The following COMMD9 variants were observed in gnomAD, a reference collection of about 807,000 sequenced individuals.
The protein encoded by COMMD9 is COMM domain-containing protein 9.
In COMMD9, 22 loss-of-function variants were observed where a neutral mutation model predicts 23.4. That is an observed-to-expected ratio of 0.94 (90% CI 0.67 to 1.34). The LOEUF is 1.34. COMMD9 is among the 40% of genes most tolerant of loss of function. COMMD9 has a pLI of 0.00. For synonymous variants in COMMD9, 99 were observed against 97.4 expected, an observed-to-expected ratio of 1.02 and a Z score of -0.10; for missense variants, 231 against 240.2, an observed-to-expected ratio of 0.96 and a Z score of 0.25.
chr11:36,280,769 T>G lies in COMMD9; in HGVS notation c.120A>C (p.Lys40Asn), dbSNP rs1399855310. The G allele has an allele frequency of 1.2e-6, 2 of 1,611,164 alleles. No individual in the cohort carries two copies. The highest frequency in any genetic ancestry group is 2.7e-5 in the African/African-American group (2 of 74,858). Residue 40 changes from lysine (K) to asparagine (N), a missense_variant, in exon 2 of 6, where the codon AAA becomes AAC. Coordinates refer to ENST00000263401, the MANE Select transcript of COMMD9 (RefSeq NM_014186.4). ...ESFSSSALGL[K>N]KLLDVTCSSL... is the part of the protein sequence containing the mutation. The stretch of plus-strand genomic sequence containing the variant: ...TGGAACATGTAACATCCAAGAGTTT[T>G]TTCAAGCCAAGGGCTGAACTGGAAA...
intron 1 of COMMD9, among the ~76,000 whole-genome samples, chr11:36,287,031 T>C (rs1856169933): frequency 6.6e-6 from 1 of 151,750 alleles, no homozygotes; most frequent in African/African-American, 2.4e-5. Flanking sequence ...CCATACATAA[T>C]AGTAAGTATG....
At chr11:36,275,369 T>C (rs903942652) in intron 5 of COMMD9, among the ~76,000 whole-genome samples, 1 of 151,470 alleles carries the variant, frequency 6.6e-6, no homozygotes, top group Admixed American at 6.6e-5. Context: ...AACTATAAAA[T>C]GAAGACAACA....
intron 1 of COMMD9, 43 bp from the exon 2 acceptor site, chr11:36,280,880 C>G (rs1459022929): frequency 6.6e-7 from 1 of 1,512,372 alleles, no homozygotes; most frequent in East Asian, 2.3e-5. Flanking sequence ...AACTCAGACT[C>G]TGAAAACACA....
In COMMD9 at chr11:36,278,024, T is replaced by C. The variant is rs7928618; in HGVS notation, c.317+453A>G. Among the ~76,000 whole-genome samples, 1,110 of 152,336 alleles carry C rather than the reference T, an allele frequency of 7.3e-3. 9 individuals carry two copies. The highest frequency in any genetic ancestry group is 0.025 in the African/African-American group (1,021 of 41,566). On this transcript the variant is annotated intron_variant, in intron 3 of 5. Coordinates refer to ENST00000263401, the MANE Select transcript of COMMD9 (RefSeq NM_014186.4). ...ACAGGAGCAAAGTTTTCATTGTAAA[T>C]TGTTCACTGAAATGAAAAAATGCCA...
chr11:36,280,793 A>G lies in COMMD9; in HGVS notation c.96T>C (p.Phe32=), dbSNP rs781561940. 11 of 1,609,994 alleles carry G rather than the reference A, an allele frequency of 6.8e-6. No individual in the cohort carries two copies. The South Asian group carries it at 9.9e-5, about 15-fold the overall frequency. Residue 32 remains phenylalanine, a synonymous_variant, in exon 2 of 6, where the codon TTT becomes TTC. Transcript: ENST00000263401. ...DVVRQLCQES[F]SSSALGLKKL... is the part of the protein sequence containing the mutation. ...TTTTCAAGCCAAGGGCTGAACTGGAAAAGCTTTCTTGACACAGCTGTCTGA... is the reference window on the plus strand; with the variant it reads ...TTTTCAAGCCAAGGGCTGAACTGGAGAAGCTTTCTTGACACAGCTGTCTGA...
chr11:36,276,092 TA>T lies in COMMD9; in HGVS notation c.456+44del, dbSNP rs1855965501. On this transcript the variant is annotated intron_variant, in intron 5 of 5. Transcript: ENST00000263401. ...TGGAGACTAGTGTTTTAGACGGCCATAGGGGTGCTGCCTCTTCTTTCTAATG... is the reference window on the plus strand; with the variant it reads ...TGGAGACTAGTGTTTTAGACGGCCATGGGGTGCTGCCTCTTCTTTCTAATG... 2.8e-6 allele frequency: 4 copies of T among 1,412,960 alleles called. No homozygotes were observed. The East Asian group carries it at 6.8e-5, about 24-fold the overall frequency. 87.5% of individuals were successfully genotyped at this position (1,412,960 alleles called of 1,614,324 possible).
intron 1 of COMMD9, among the ~76,000 whole-genome samples, chr11:36,284,113 A>G (rs1359056646): frequency 6.7e-6 from 1 of 148,644 alleles, no homozygotes; most frequent in African/African-American, 2.4e-5. Context: ...CTCAACAACA[A>G]CAACAACAAC....
chr11:36,288,127 A>G (rs1167914948), intron 1 of COMMD9, among the ~76,000 whole-genome samples: 2 of 152,198 alleles, frequency 1.3e-5, no homozygotes, highest in Non-Finnish European at 2.9e-5. Context: ...TAATTCATTT[A>G]ACAGCTATTT....
intron 3 of COMMD9, 58 bp from the exon 4 acceptor site, chr11:36,277,181 C>A: frequency 7.4e-7 from 1 of 1,352,392 alleles, no homozygotes; most frequent in South Asian, 1.4e-5. Context: ...ACTGACTCTT[C>A]TGATAGAGAG....
At chr11:36,287,189 A>G (rs12420045) in intron 1 of COMMD9, among the ~76,000 whole-genome samples, 24 of 48 alleles carry the variant, frequency 0.5, no homozygotes, top group Non-Finnish European at 0.5. Flanking sequence ...TATACTACAT[A>G]CTATGTATAT....
chr11:36,278,525 A>C lies in COMMD9; in HGVS notation c.269T>G (p.Phe90Cys). Residue 90 changes from phenylalanine to cysteine, a missense_variant, in exon 3 of 6, where the codon TTC becomes TGC. Physicochemically the swap from Phe to Cys is radical, Grantham distance 205. Transcript: ENST00000263401. ...EAILALFPENFHQNLKNLLTK... is the reference protein window; with the variant it reads ...EAILALFPENCHQNLKNLLTK... ...CAGCAGGTTTTTGAGGTTTTGGTGG[A>C]AATTTTCTGGAAAGAGAGCCAGAAT... 6.2e-7 allele frequency: 1 copy of C among 1,614,160 alleles called. No individual in the cohort carries two copies.
At chr11:36,278,712 G>A (rs757419926) in intron 2 of COMMD9, 96 bp from the exon 3 acceptor site, 12 of 1,207,588 alleles carry the variant, frequency 9.9e-6, no homozygotes, top group Non-Finnish European at 1.2e-5. Context: ...CCCGAAGGCT[G>A]CACACTGCTA....
chr11:36,272,632 T>C lies in COMMD9; in HGVS notation c.*2000A>G, dbSNP rs1182946454. On this transcript the variant is annotated 3_prime_UTR_variant, in exon 6 of 6. Transcript: ENST00000263401. ...GGGTCCTTGACCTCTTGTCGTTGCA[T>C]GCAAAAAATTGAATGTTCATTTCCT... 6.6e-6 allele frequency: 1 copy of C among 152,204 alleles called. No individual in the cohort carries two copies. The highest frequency in any genetic ancestry group is 2.4e-5 in the African/African-American group (1 of 41,456). 9.4% of individuals were successfully genotyped at this position (152,204 alleles called of 1,614,324 possible).
chr11:36,289,375 T>C lies in COMMD9; in HGVS notation c.38A>G (p.Gln13Arg), dbSNP rs1240867598. Residue 13 changes from glutamine (Q) to arginine (R), a missense_variant, in exon 1 of 6, where the codon CAG (glutamine) becomes CGG (arginine). By Grantham distance (43) the Gln-to-Arg change is conservative. Transcript: ENST00000263401. ...ALTAEHFAALQSLLKASSKDV... is the reference protein window; with the variant it reads ...ALTAEHFAALRSLLKASSKDV... ...CCTTCGACTTACCTTGAGCAGGCTC[T>C]GGAGTGCTGCAAAATGCTCCGCTGT... 6 of 1,551,998 alleles carry C rather than the reference T, an allele frequency of 3.9e-6. No homozygotes were observed. Among genetic ancestry groups the C allele is most frequent in the Non-Finnish European group, 5.2e-6 (6 of 1,147,126 alleles).
chr11:36,280,503 C>T lies in COMMD9; in HGVS notation c.177+209G>A, dbSNP rs572192222. On this transcript the variant is annotated intron_variant, in intron 2 of 5. Coordinates refer to ENST00000263401, the MANE Select transcript of COMMD9 (RefSeq NM_014186.4). The stretch of plus-strand genomic sequence containing the variant: ...ATCACAGAAAGGTTGGCTTTTGTTC[C>T]ACATTGTCTAGGTAATAGGTCTGAA... Among the ~76,000 whole-genome samples, 89 of 152,314 alleles carry T rather than the reference C, an allele frequency of 5.8e-4. 1 individual carries two copies. Among genetic ancestry groups the T allele is most frequent in the African/African-American group, 9.6e-4 (40 of 41,562 alleles).
At chr11:36,288,730 G>A (rs930725613) in intron 1 of COMMD9, among the ~76,000 whole-genome samples, 2 of 152,072 alleles carry the variant, frequency 1.3e-5, no homozygotes, top group African/African-American at 4.8e-5. Flanking sequence ...AACTCGGGGG[G>A]CGGAGGTTGC....
chr11:36,280,694 AT>A lies in COMMD9; in HGVS notation c.177+17del, dbSNP rs751192772. On this transcript the variant is annotated intron_variant, in intron 2 of 5. Transcript: ENST00000263401. ...ATAAGAGGGCCAGTGGCCAAAGATC[AT>A]TTCTGACCACACTTACTTCCTCTGC... 42 of 1,568,036 alleles carry A rather than the reference AT, an allele frequency of 2.7e-5. No homozygotes were observed. Among genetic ancestry groups the A allele is most frequent in the Middle Eastern group, 1.7e-4 (1 of 5,854 alleles).
chr11:36,277,032 G>A (rs770138552), intron 4 of COMMD9, 57 bp downstream of exon 4: 3 of 1,476,556 alleles, frequency 2.0e-6, no homozygotes, highest in South Asian at 1.3e-5. Flanking sequence ...TTGGCAGACT[G>A]AGAGCTGGGG....
At chr11:36,277,052 C>A in intron 4 of COMMD9, 37 bp downstream of exon 4, 1 of 1,574,940 alleles carries the variant, frequency 6.3e-7, no homozygotes, top group Non-Finnish European at 8.6e-7. Context: ...GCTGGGGAGA[C>A]AAGTAAGAAG....
Sources: gnomAD v4.1 joint callset for allele counts (sites outside exome capture counted in the v4.1 genomes callset) on GRCh38, gnomAD v4.1.1 for gene constraint, MANE v1.5 for transcripts, NCBI Gene and HGNC (gene_info 2026-07-23, HGNC 2026-07-21) for gene names.